Variants in ANKRD44 observed in about 807,000 individuals in gnomAD.
ANKRD44 encodes serine/threonine-protein phosphatase 6 regulatory ankyrin repeat subunit B.
A neutral mutation model predicts 116.0 loss-of-function variants in ANKRD44; 35 were observed. The observed-to-expected ratio is 0.30, with a 90% CI of 0.23 to 0.40. ANKRD44 has a LOEUF of 0.40. Ranked by LOEUF, ANKRD44 falls within the 10% of genes least tolerant of loss-of-function variation. ANKRD44 has a pLI of 1.00. For synonymous variants in ANKRD44, 435 were observed against 461.8 expected, an observed-to-expected ratio of 0.94 and a Z score of 0.74; for missense variants, 1,014 against 1,242.6, an observed-to-expected ratio of 0.82 and a Z score of 2.77.
At position 196,991,588 on chromosome 2, in the gene ANKRD44, A is replaced by AT. The variant is rs537258670; in HGVS notation, c.2924-1940dup. 1.4e-3 allele frequency among the ~76,000 whole-genome samples: 215 copies of AT among 149,658 alleles called. 1 individual carries two copies. The highest frequency in any genetic ancestry group is 4.7e-3 in the African/African-American group (191 of 40,902). Reference sequence around the variant, plus strand: ...CAATCATTTAGGAGAAATTTAACAAATTTTTTTTTTGACAGAGTTTCACTC... The same window carrying AT: ...CAATCATTTAGGAGAAATTTAACAAATTTTTTTTTTTGACAGAGTTTCACTC... On this transcript the variant is annotated intron_variant, in intron 27 of 27. Coordinates refer to ENST00000282272, the MANE Select transcript of ANKRD44 (RefSeq NM_001195144.2).
intron 3 of ANKRD44, among the ~76,000 whole-genome samples, chr2:197,140,436 A>C (rs1214835780): frequency 6.6e-6 from 1 of 152,124 alleles, no homozygotes; most frequent in Non-Finnish European, 1.5e-5. Context: ...CTCCTGCCTC[A>C]GCCTCCAGAG....
intron 1 of ANKRD44, among the ~76,000 whole-genome samples, chr2:197,230,342 T>C (rs1430466324): frequency 6.6e-6 from 1 of 152,136 alleles, no homozygotes; most frequent in Non-Finnish European, 1.5e-5. Context: ...AATCATTTTC[T>C]GCTTGGGTTG....
intron 21 of ANKRD44, 25 bp from the exon 22 acceptor site, chr2:197,001,865 G>A: frequency 6.4e-7 from 1 of 1,571,768 alleles, no homozygotes. Context: ...AATAATTTAG[G>A]GAGTTTCCAA....
chr2:197,307,101 C>A (rs2084094741), intron 1 of ANKRD44, among the ~76,000 whole-genome samples: 1 of 152,060 alleles, frequency 6.6e-6, no homozygotes, highest in South Asian at 2.1e-4. Flanking sequence ...TAAAGAACAC[C>A]CTAAAACAGT....
At chr2:197,018,031 C>T (rs2076424234) in intron 17 of ANKRD44, among the ~76,000 whole-genome samples, 1 of 152,182 alleles carries the variant, frequency 6.6e-6, no homozygotes, top group African/African-American at 2.4e-5. Context: ...GTATCAATGC[C>T]ACTTTCAGGG....
chr2:197,222,785 T>A (rs192701111), intron 1 of ANKRD44, among the ~76,000 whole-genome samples: 7 of 151,674 alleles, frequency 4.6e-5, no homozygotes, highest in African/African-American at 1.7e-4. Context: ...TTCAAGGTAG[T>A]TGATTTATTT....
intron 16 of ANKRD44, among the ~76,000 whole-genome samples, chr2:197,039,854 C>T (rs2076877524): frequency 6.6e-6 from 1 of 151,966 alleles, no homozygotes; most frequent in Non-Finnish European, 1.5e-5. Flanking sequence ...GATAGATTCC[C>T]TATTGTTAAG....
chr2:197,112,947 G>GA (rs1339699176), intron 8 of ANKRD44, among the ~76,000 whole-genome samples: 1 of 144,644 alleles, frequency 6.9e-6, no homozygotes, highest in East Asian at 2.0e-4. Context: ...TCTGTGCCAA[G>GA]AAAAAAAAGT....
In ANKRD44 at chr2:197,255,747, G is replaced by T. The variant is rs145921786; in HGVS notation, c.27+54831C>A. 5.3e-5 allele frequency among the ~76,000 whole-genome samples: 8 copies of T among 152,350 alleles called. No homozygotes were observed. In the East Asian group the frequency reaches 1.5e-3, roughly 29 times the overall value. ...CTGCCCCATCGAAGGCAGCTACACA[G>T]CGGCCAGGACAAGCCAGCCAGAGCC... On this transcript the variant is annotated intron_variant, in intron 1 of 27. Transcript: ENST00000282272.
At chr2:197,185,074 G>A (rs2080621126) in intron 2 of ANKRD44, among the ~76,000 whole-genome samples, 1 of 152,196 alleles carries the variant, frequency 6.6e-6, no homozygotes, top group Non-Finnish European at 1.5e-5. Context: ...GCTTCCCTGG[G>A]CTTGGGCCAC....
At chr2:197,202,606 T>C (rs1295320648) in intron 1 of ANKRD44, among the ~76,000 whole-genome samples, 1 of 150,934 alleles carries the variant, frequency 6.6e-6, no homozygotes, top group Non-Finnish European at 1.5e-5. Flanking sequence ...AGGGTCTTGC[T>C]CTGTCCCCCA....
intron 16 of ANKRD44, among the ~76,000 whole-genome samples, chr2:197,057,652 T>C (rs186412847): frequency 1.3e-5 from 2 of 152,292 alleles, no homozygotes; most frequent in African/African-American, 4.8e-5. Flanking sequence ...GGCCAGGAGT[T>C]TGAGACAAGC....
intron 16 of ANKRD44, among the ~76,000 whole-genome samples, chr2:197,055,437 G>T (rs1418205727): frequency 6.6e-6 from 1 of 152,058 alleles, no homozygotes; most frequent in Non-Finnish European, 1.5e-5. Context: ...AATGGACAAA[G>T]CTTTTAACGT....
intron 11 of ANKRD44, among the ~76,000 whole-genome samples, chr2:197,089,131 T>A (rs1157035006): frequency 6.6e-6 from 1 of 152,208 alleles, no homozygotes; most frequent in Non-Finnish European, 1.5e-5. Flanking sequence ...GGAATAATCT[T>A]AGCATGCTGG....
chr2:197,226,383 C>T (rs948177762), intron 1 of ANKRD44, among the ~76,000 whole-genome samples: 6 of 151,942 alleles, frequency 3.9e-5, no homozygotes, highest in Admixed American at 3.3e-4. Context: ...AAGAGTTTCC[C>T]GACCAGGCAC....
At chr2:197,133,002 T>G (rs1206426394) in intron 4 of ANKRD44, among the ~76,000 whole-genome samples, 1 of 152,212 alleles carries the variant, frequency 6.6e-6, no homozygotes, top group African/African-American at 2.4e-5. Context: ...TAGTACTCCC[T>G]TTAGGGTTGG....
chr2:197,181,416 C>T (rs536285846), intron 2 of ANKRD44, among the ~76,000 whole-genome samples: 40 of 152,244 alleles, frequency 2.6e-4, no homozygotes, highest in African/African-American at 7.9e-4. Context: ...CTTTAAAAAA[C>T]GAAATAAACA....
intron 17 of ANKRD44, among the ~76,000 whole-genome samples, chr2:197,021,486 C>T (rs6730218): frequency 0.58 from 88,090 of 151,996 alleles, 28,462 homozygotes; most frequent in East Asian, 0.8. Flanking sequence ...TTTTAATGAT[C>T]GCCATTCTAA....
At chr2:197,007,738 G>A in intron 20 of ANKRD44, 68 bp downstream of exon 20, 1 of 1,064,614 alleles carries the variant, frequency 9.4e-7, no homozygotes, top group South Asian at 1.4e-5. Flanking sequence ...CTTTGTAATT[G>A]TTTGCTAAAA....
Sources: allele counts gnomAD v4.1 joint callset (sites outside exome capture counted in the v4.1 genomes callset), GRCh38; gene constraint gnomAD v4.1.1; transcripts MANE v1.5; gene names NCBI Gene and HGNC (gene_info 2026-07-23, HGNC 2026-07-21).